The following FUT8 variants were observed in gnomAD, a reference collection of about 807,000 sequenced individuals.
FUT8 encodes alpha-(1,6)-fucosyltransferase.
In FUT8, 29 loss-of-function variants were observed where a neutral mutation model predicts 71.3. That is an observed-to-expected ratio of 0.41 (90% CI 0.30 to 0.55). The LOEUF is 0.55. Among genes scored for constraint, FUT8 ranks in the 20% least tolerant of loss-of-function variants. The pLI, the probability that FUT8 is intolerant of heterozygous loss-of-function variation, is 0.34. For missense variants in FUT8, 544 were observed against 702.1 expected (o/e 0.77, Z 2.55); for synonymous variants, 254 against 239.3 (o/e 1.06, Z -0.57).
At chr14:65,444,941 C>G (rs899567080) in intron 1 of FUT8, among the ~76,000 whole-genome samples, 1 of 152,130 alleles carries the variant, frequency 6.6e-6, no homozygotes, top group African/African-American at 2.4e-5. Flanking sequence ...CATGGTGGCT[C>G]ACGCCTGTAA....
Position 65,489,097 on chromosome 14 carries a change from A to C in FUT8, c.-228+33379A>C, listed in dbSNP as rs973703456. Among the ~76,000 whole-genome samples the C allele has an allele frequency of 6.6e-6, 1 of 152,184 alleles. No homozygotes were observed. The highest frequency in any genetic ancestry group is 6.5e-5 in the Admixed American group (1 of 15,278). ...ATGTAGTATTAAGTATTTTTCCATC[A>C]ATGATTAGAAAGTTATGATTTTTTG... On this transcript the variant is annotated intron_variant, in intron 2 of 10. Transcript: ENST00000673929. The surrounding 1 kb of genome is among the most constrained non-coding windows in gnomAD (Gnocchi z 4.0).
At chr14:65,564,846 AT>A (rs1253509171) in intron 3 of FUT8, among the ~76,000 whole-genome samples, 8 of 152,062 alleles carry the variant, frequency 5.3e-5, no homozygotes, top group African/African-American at 1.7e-4. Context: ...TATTGTCTGT[AT>A]TAGTAGTTCA....
At chr14:65,677,262 C>T (rs1019717932) in intron 7 of FUT8, among the ~76,000 whole-genome samples, 5 of 151,914 alleles carry the variant, frequency 3.3e-5, no homozygotes, top group African/African-American at 7.3e-5. Flanking sequence ...AAGCAGATTA[C>T]AGAATCATAA....
chr14:65,474,097 C>T (rs1273011611), intron 2 of FUT8, among the ~76,000 whole-genome samples: 4 of 151,944 alleles, frequency 2.6e-5, no homozygotes, highest in East Asian at 1.9e-4. Context: ...GTCATGGGTA[C>T]GCAAAGGCAT....
intron 3 of FUT8, among the ~76,000 whole-genome samples, chr14:65,598,947 C>T (rs1400769093): frequency 6.6e-6 from 1 of 152,052 alleles, no homozygotes. Context: ...TGCACCACCA[C>T]GCCTGGCTAA....
At chr14:65,389,241 G>C in the FUT8 span, among the ~76,000 whole-genome samples, 1 of 151,620 alleles carries the variant, frequency 6.6e-6, no homozygotes, top group Non-Finnish European at 1.5e-5. Context: ...GTCTCATTCT[G>C]TCACCCAGGC....
At chr14:65,692,614 C>CCCG (rs1893724231) in intron 7 of FUT8, among the ~76,000 whole-genome samples, 1 of 151,140 alleles carries the variant, frequency 6.6e-6, no homozygotes, top group African/African-American at 2.4e-5. Flanking sequence ...GGGCTGACCC[C>CCCG]CACCCCCCTC....
intron 2 of FUT8, among the ~76,000 whole-genome samples, chr14:65,509,136 C>G (rs1304447435): frequency 1.3e-5 from 2 of 152,128 alleles, no homozygotes; most frequent in Non-Finnish European, 2.9e-5. Flanking sequence ...TTTCATTCTT[C>G]TGCATATATA....
At position 65,691,713 on chromosome 14, in the gene FUT8, A is replaced by G. The variant is rs527867225; in HGVS notation, c.835+22233A>G. Reference sequence around the variant, plus strand: ...AGGTCAACAGATAAACAAGTGAACAAAGGTCTCTGGTTTTCCTAGGCAGAG... The same window carrying G: ...AGGTCAACAGATAAACAAGTGAACAGAGGTCTCTGGTTTTCCTAGGCAGAG... On this transcript the variant is annotated intron_variant, in intron 7 of 10. Transcript: ENST00000673929. Among the ~76,000 whole-genome samples the G allele has an allele frequency of 8.6e-5, 13 of 151,956 alleles. No individual in the cohort carries two copies. The South Asian group carries it at 1.9e-3, about 22-fold the overall frequency.
chr14:65,389,966 C>T, the FUT8 span, among the ~76,000 whole-genome samples: 2 of 150,658 alleles, frequency 1.3e-5, no homozygotes, highest in Non-Finnish European at 3.0e-5. Context: ...CATGGTGAAA[C>T]CCCGTCTCTA....
At position 65,419,912 on chromosome 14, in the gene FUT8, C is replaced by T. The variant is rs569456109; in HGVS notation, c.-326+6698C>T. Reference sequence around the variant, plus strand: ...TCCAGCCCTCTATCAACTAAAATTCCGTTTATTTTTAAGGTTCAAATATTA... The same window carrying T: ...TCCAGCCCTCTATCAACTAAAATTCTGTTTATTTTTAAGGTTCAAATATTA... On this transcript the variant is annotated intron_variant, in intron 1 of 10. Coordinates refer to ENST00000673929, the MANE Select transcript of FUT8 (RefSeq NM_001371533.1). Among the ~76,000 whole-genome samples, 6 of 152,190 alleles carry T rather than the reference C, an allele frequency of 3.9e-5. No individual in the cohort carries two copies. In the South Asian group the frequency reaches 6.2e-4, roughly 16 times the overall value.
rs775584827 is a variant in FUT8, at chr14:65,721,956, G to A, written c.1017G>A (p.Gln339=). The A allele has an allele frequency of 1.9e-5, 30 of 1,614,178 alleles. No individual in the cohort carries two copies. The highest frequency in any genetic ancestry group is 2.5e-5 in the Non-Finnish European group (29 of 1,180,030). ...TTGTCAAATACTTGATCCGCCCACA[G>A]CCTTGGCTAGAAAAAGAAATAGAAG... ...SQFVKYLIRP[Q]PWLEKEIEEA... The change falls in exon 8 of 11, where the codon CAG becomes CAA. Residue 339 remains glutamine, a synonymous_variant. Transcript: ENST00000673929.
chr14:65,658,385 CTCCA>C (rs2140343182), intron 6 of FUT8, among the ~76,000 whole-genome samples: 1 of 152,216 alleles, frequency 6.6e-6, no homozygotes, highest in South Asian at 2.1e-4. Flanking sequence ...TTTGGTAGTT[CTCCA>C]TAAACATACC....
chr14:65,708,691 G>A (rs929041393), intron 7 of FUT8, among the ~76,000 whole-genome samples: 11 of 152,012 alleles, frequency 7.2e-5, no homozygotes, highest in African/African-American at 2.2e-4. Flanking sequence ...ATTTTGTAAC[G>A]TGCAACTTTA....
At chr14:65,373,975 G>T in the FUT8 span, among the ~76,000 whole-genome samples, 2 of 152,176 alleles carry the variant, frequency 1.3e-5, no homozygotes, top group East Asian at 3.9e-4. Flanking sequence ...ATCTAACTTG[G>T]TTTTTATACG....
chr14:65,705,169 TCA>T, intron 7 of FUT8, among the ~76,000 whole-genome samples: 1 of 78,134 alleles, frequency 1.3e-5, no homozygotes, highest in Non-Finnish European at 4.1e-5. Context: ...GTGATAGAAT[TCA>T]TATGACATAG....
At chr14:65,619,943 G>A (rs936389700) in intron 5 of FUT8, among the ~76,000 whole-genome samples, 6 of 152,162 alleles carry the variant, frequency 3.9e-5, no homozygotes, top group African/African-American at 1.4e-4. Flanking sequence ...TGTAGGTTCA[G>A]TGCTTCGATT....
At chr14:65,712,187 C>G (rs367704340) in intron 7 of FUT8, among the ~76,000 whole-genome samples, 1 of 151,966 alleles carries the variant, frequency 6.6e-6, no homozygotes, top group African/African-American at 2.4e-5. Flanking sequence ...CTTTGGGTCT[C>G]GTAGTTACTA....
At chr14:65,401,321 G>T in the FUT8 span, among the ~76,000 whole-genome samples, 8 of 152,212 alleles carry the variant, frequency 5.3e-5, no homozygotes, top group African/African-American at 1.4e-4. Context: ...AAAGATGTCA[G>T]CCAGTTCCTG....
Sources: allele counts gnomAD v4.1 joint callset (sites outside exome capture counted in the v4.1 genomes callset), GRCh38; gene constraint gnomAD v4.1.1; non-coding constraint Gnocchi (gnomAD v3.1); transcripts MANE v1.5; gene names NCBI Gene and HGNC (gene_info 2026-07-23, HGNC 2026-07-21).